KIF3B: variants seen among roughly 807,000 people sequenced by gnomAD.
KIF3B encodes the protein kinesin-like protein KIF3B.
A neutral mutation model predicts 74.3 loss-of-function variants in KIF3B; 38 were observed. The observed-to-expected ratio is 0.51, with a 90% CI of 0.39 to 0.67. The LOEUF (loss-of-function observed/expected upper bound fraction) is 0.67, where lower values mean the gene tolerates loss of function less well. Ranked by LOEUF, KIF3B falls within the 30% of genes least tolerant of loss-of-function variation. The pLI, the probability that KIF3B is intolerant of heterozygous loss-of-function variation, is 0.00. For synonymous variants in KIF3B, 326 were observed against 342.5 expected, an observed-to-expected ratio of 0.95 and a Z score of 0.53; for missense variants, 649 against 932.0, an observed-to-expected ratio of 0.70 and a Z score of 3.95.
chr20:32,308,210 T>C (rs986542785), intron 1 of KIF3B, among the ~76,000 whole-genome samples: 3 of 152,058 alleles, frequency 2.0e-5, no homozygotes, highest in Non-Finnish European at 4.4e-5. Context: ...CACTCCAGCC[T>C]GGGTGACAGA....
chr20:32,292,200 A>G lies in KIF3B; in HGVS notation c.-66+14435A>G, dbSNP rs1001858685. Among the ~76,000 whole-genome samples, 29 of 152,048 alleles carry G rather than the reference A, an allele frequency of 1.9e-4. 1 individual carries two copies. Among genetic ancestry groups the G allele is most frequent in the African/African-American group, 7.0e-4 (29 of 41,390 alleles). On this transcript the variant is annotated intron_variant, in intron 1 of 8. Coordinates refer to ENST00000375712, the MANE Select transcript of KIF3B (RefSeq NM_004798.4). Reference sequence around the variant, plus strand: ...GTGATCCTCCCACCTCAGCCTCCCAAAGTGCTGGGATTATGGGTGGTGAAC... The same window carrying G: ...GTGATCCTCCCACCTCAGCCTCCCAGAGTGCTGGGATTATGGGTGGTGAAC...
intron 1 of KIF3B, among the ~76,000 whole-genome samples, chr20:32,304,116 G>C (rs894455672): frequency 6.6e-6 from 1 of 152,176 alleles, no homozygotes; most frequent in Non-Finnish European, 1.5e-5. Context: ...TTCAGAGAGG[G>C]TAAGACGTCT....
chr20:32,280,639 G>A (rs146479860), intron 1 of KIF3B, among the ~76,000 whole-genome samples: 1,626 of 150,016 alleles, frequency 0.011, 24 homozygotes, highest in African/African-American at 0.038. Flanking sequence ...GGCGTGAACC[G>A]GGGAGGTGGA....
chr20:32,310,729 G>T lies in KIF3B; in HGVS notation c.952G>T (p.Gly318Trp). ...NAKTVMVANV[G>W]PASYNVEETL... ...CAAGACTGTGATGGTGGCCAACGTG[G>T]GGCCTGCCTCTTACAACGTAGAAGA... The change falls in exon 2 of 9, where the codon GGG (glycine) becomes TGG (tryptophan). Residue 318 changes from glycine to tryptophan, a missense_variant. By Grantham distance (184) the Gly-to-Trp change is radical (BLOSUM62 -2). This residue lies in a region of KIF3B where 363 missense variants were observed against 592.8 expected (regional missense o/e 0.61). Coordinates refer to ENST00000375712, the MANE Select transcript of KIF3B (RefSeq NM_004798.4). The surrounding 1 kb of genome is among the most constrained non-coding windows in gnomAD (Gnocchi z 6.5). The T allele has an allele frequency of 6.2e-7, 1 of 1,614,128 alleles. No individual in the cohort carries two copies. The highest frequency in any genetic ancestry group is 8.5e-7 in the Non-Finnish European group (1 of 1,180,026).
chr20:32,277,815 G>A, intron 1 of KIF3B, 50 bp downstream of exon 1: 1 of 188,102 alleles, frequency 5.3e-6, no homozygotes, highest in Non-Finnish European at 1.1e-5. Flanking sequence ...TCCTGTGGCC[G>A]CCTGGGGTTT....
intron 1 of KIF3B, among the ~76,000 whole-genome samples, chr20:32,285,297 C>T (rs893540086): frequency 2.6e-5 from 4 of 152,120 alleles, no homozygotes; most frequent in Non-Finnish European, 5.9e-5. Flanking sequence ...GAACTGTGAG[C>T]TTGTATTCTG....
rs140802106 is a variant in KIF3B, at chr20:32,302,153, A to G, written c.-65-7560A>G. Among the ~76,000 whole-genome samples the G allele has an allele frequency of 1.5e-3, 225 of 152,324 alleles. 2 individuals are homozygous for G. Among genetic ancestry groups the G allele is most frequent in the African/African-American group, 5.0e-3 (209 of 41,582 alleles). On this transcript the variant is annotated intron_variant, in intron 1 of 8. Coordinates refer to ENST00000375712, the MANE Select transcript of KIF3B (RefSeq NM_004798.4). ...CACTGGAAGAATAACAAAGGTAATA[A>G]AGAAAGAGTATCAGGGCATCCTTCC...
intron 1 of KIF3B, among the ~76,000 whole-genome samples, chr20:32,294,174 T>C (rs2047705873): frequency 6.6e-6 from 1 of 152,224 alleles, no homozygotes; most frequent in Admixed American, 6.5e-5. Context: ...TATTTTTGAA[T>C]GTATTTTATG....
intron 1 of KIF3B, among the ~76,000 whole-genome samples, chr20:32,285,707 T>C (rs889192073): frequency 6.6e-6 from 1 of 152,196 alleles, no homozygotes; most frequent in Non-Finnish European, 1.5e-5. Context: ...CCCAAAGCCC[T>C]TCCAGCCCTG....
Position 32,316,568 on chromosome 20 carries a change from A to G in KIF3B, c.1548A>G (p.Arg516=). ...AAATCCAGCAACAGATGGAAAGTCG[A>G]GATGAGGAGACCTTGGAACTTAAAG... ...EREIQQQMES[R]DEETLELKET... The change falls in exon 4 of 9, where the codon CGA becomes CGG. Residue 516 remains arginine (R), a synonymous_variant. Transcript: ENST00000375712. 6.2e-7 allele frequency: 1 copy of G among 1,614,128 alleles called. No individual in the cohort carries two copies. Among genetic ancestry groups the G allele is most frequent in the Non-Finnish European group, 8.5e-7 (1 of 1,180,016 alleles).
Position 32,331,377 on chromosome 20 carries a change from A to G in KIF3B, c.*58A>G, listed in dbSNP as rs2047929215. ...CATTTGCCTTCTGAGAGAAGAGACT[A>G]GCAAAAAGCTGCAGAGAGGATTCGG... On this transcript the variant is annotated 3_prime_UTR_variant, in exon 9 of 9. Coordinates refer to ENST00000375712, the MANE Select transcript of KIF3B (RefSeq NM_004798.4). 1 of 1,394,694 alleles carries G rather than the reference A, an allele frequency of 7.2e-7. No individual in the cohort carries two copies. The highest frequency in any genetic ancestry group is 1.4e-5 in the African/African-American group (1 of 69,372). The allele number at this position is 1,394,694 out of a possible 1,614,324, so 86.4% of individuals were successfully genotyped here.
chr20:32,303,104 G>A (rs1369591560), intron 1 of KIF3B, among the ~76,000 whole-genome samples: 1 of 152,110 alleles, frequency 6.6e-6, no homozygotes, highest in Admixed American at 6.6e-5. Flanking sequence ...CCAAAGATTG[G>A]ACACCCTTGA....
At chr20:32,293,586 G>A (rs535749085) in intron 1 of KIF3B, among the ~76,000 whole-genome samples, 1 of 152,170 alleles carries the variant, frequency 6.6e-6, no homozygotes, top group East Asian at 1.9e-4. Flanking sequence ...CTCCAGCCTG[G>A]AGTGCAGAGC....
chr20:32,280,846 G>T (rs532329960), intron 1 of KIF3B, among the ~76,000 whole-genome samples: 1 of 152,200 alleles, frequency 6.6e-6, no homozygotes, highest in East Asian at 1.9e-4. Context: ...GGAGGATGTG[G>T]AGGTCAATCC....
chr20:32,300,093 TTTGTTTTGTTTTGTTTTG>T (rs1477333944), intron 1 of KIF3B, among the ~76,000 whole-genome samples: 1 of 150,152 alleles, frequency 6.7e-6, no homozygotes, highest in African/African-American at 2.5e-5. Flanking sequence ...TTTGTTTTGT[TTTGTTTTGTTTTGTTTTG>T]TTTTGTTTAC....
rs140162721 is a variant in KIF3B, at chr20:32,309,117, A to T, written c.-65-596A>T. Among the ~76,000 whole-genome samples the T allele has an allele frequency of 9.2e-5, 14 of 151,908 alleles. No homozygotes were observed. The East Asian group carries it at 2.7e-3, about 29-fold the overall frequency. On this transcript the variant is annotated intron_variant, in intron 1 of 8. Transcript: ENST00000375712. ...CTGTACCCTCAACCTCCTGGGCTCA[A>T]GCAGTCCTCCCATCTCAGCTTCCCG...
chr20:32,322,930 ATATT>A (rs1316296358), intron 5 of KIF3B, among the ~76,000 whole-genome samples: 2 of 51,704 alleles, frequency 3.9e-5, no homozygotes, highest in Non-Finnish European at 5.9e-5. Flanking sequence ...TTATATATAC[ATATT>A]TATATATATA....
At chr20:32,325,018 G>A (rs1303563985) in intron 5 of KIF3B, among the ~76,000 whole-genome samples, 1 of 152,132 alleles carries the variant, frequency 6.6e-6, no homozygotes, top group Non-Finnish European at 1.5e-5. Flanking sequence ...GCGACAAAGT[G>A]AGACTCTGTC....
Position 32,331,450 on chromosome 20 carries a change from A to G in KIF3B, c.*131A>G, listed in dbSNP as rs192442265. On this transcript the variant is annotated 3_prime_UTR_variant, in exon 9 of 9. Coordinates refer to ENST00000375712, the MANE Select transcript of KIF3B (RefSeq NM_004798.4). ...TGAGGAGAAGCGGTGGCCTCTTTGC[A>G]GATCAACCAACTTAATCTGGTTGAA... 49 of 664,822 alleles carry G rather than the reference A, an allele frequency of 7.4e-5. No homozygotes were observed. Among genetic ancestry groups the G allele is most frequent in the Admixed American group, 2.1e-4 (7 of 32,998 alleles). 41.2% of individuals were successfully genotyped at this position (664,822 alleles called of 1,614,324 possible).
Sources: gnomAD v4.1 joint callset for allele counts (sites outside exome capture counted in the v4.1 genomes callset) on GRCh38, gnomAD v4.1.1 for gene constraint, gnomAD v4.1.1 regional missense constraint, Gnocchi (gnomAD v3.1) non-coding constraint, MANE v1.5 for transcripts, NCBI Gene and HGNC (gene_info 2026-07-23, HGNC 2026-07-21) for gene names.